GRB10: variants seen among roughly 807,000 people sequenced by gnomAD.
GRB10 encodes the protein growth factor receptor-bound protein 10.
A neutral mutation model predicts 80.9 loss-of-function variants in GRB10; 20 were observed. The ratio of observed to expected loss-of-function variants is 0.25; its 90% CI spans 0.17 to 0.36. The LOEUF is 0.36. Among genes scored for constraint, GRB10 ranks in the 10% least tolerant of loss-of-function variants. GRB10 has a pLI of 1.00. For missense variants in GRB10, 548 were observed against 747.7 expected (o/e 0.73, Z 3.12); for synonymous variants, 291 against 291.5 (o/e 1.00, Z 0.02).
intron 5 of GRB10, among the ~76,000 whole-genome samples, chr7:50,702,888 G>A (rs999409320): frequency 7.9e-5 from 12 of 152,118 alleles, no homozygotes; most frequent in Admixed American, 3.3e-4. Context: ...TTTTATATAA[G>A]CATTAACACC....
intron 7 of GRB10, among the ~76,000 whole-genome samples, chr7:50,635,116 A>C (rs1375516701): frequency 1.3e-5 from 2 of 152,212 alleles, no homozygotes; most frequent in Non-Finnish European, 2.9e-5. Context: ...AACAAAATTG[A>C]CCAGATGCTT....
chr7:50,723,568 T>C (rs993629102), intron 4 of GRB10, among the ~76,000 whole-genome samples: 2 of 152,196 alleles, frequency 1.3e-5, no homozygotes, highest in African/African-American at 4.8e-5. Context: ...GAAGGGTTTT[T>C]AGCGATCCAG....
At chr7:50,632,775 T>C (rs923533024) in intron 7 of GRB10, among the ~76,000 whole-genome samples, 1 of 152,102 alleles carries the variant, frequency 6.6e-6, no homozygotes, top group African/African-American at 2.4e-5. Flanking sequence ...AGCATCCCAG[T>C]TGCTCCTCCT....
At chr7:50,667,709 CT>C (rs1318677875) in intron 7 of GRB10, among the ~76,000 whole-genome samples, 1 of 151,954 alleles carries the variant, frequency 6.6e-6, no homozygotes. Flanking sequence ...ACAAGTAGTT[CT>C]AGTTCTGAGT....
chr7:50,608,245 C>T (rs2048883044), intron 13 of GRB10, among the ~76,000 whole-genome samples: 1 of 152,168 alleles, frequency 6.6e-6, no homozygotes, highest in South Asian at 2.1e-4. Context: ...GCATTATTTT[C>T]ACAGAAGCAA....
chr7:50,767,390 G>C (rs928622073), intron 2 of GRB10, among the ~76,000 whole-genome samples: 1 of 152,068 alleles, frequency 6.6e-6, no homozygotes, highest in African/African-American at 2.4e-5. Context: ...AGGGAGTCCT[G>C]TGTTGTTTCC....
chr7:50,609,221 T>C (rs1035464756), intron 13 of GRB10, among the ~76,000 whole-genome samples: 12 of 152,100 alleles, frequency 7.9e-5, no homozygotes, highest in Non-Finnish European at 1.6e-4. Context: ...ATAAAGATTA[T>C]CAAAGTAAAA....
At chr7:50,635,962 C>T (rs992611340) in intron 7 of GRB10, among the ~76,000 whole-genome samples, 64 of 70,874 alleles carry the variant, frequency 9.0e-4, no homozygotes, top group East Asian at 1.4e-3. Flanking sequence ...TTTTCCTTTC[C>T]TTTTTTTTTT....
chr7:50,685,508 G>A (rs968326258), intron 5 of GRB10, among the ~76,000 whole-genome samples: 1 of 152,188 alleles, frequency 6.6e-6, no homozygotes, highest in African/African-American at 2.4e-5. Context: ...AAGCCCCAGC[G>A]TTCTGCAAGA....
chr7:50,638,658 TACA>T (rs2153604111), intron 7 of GRB10, among the ~76,000 whole-genome samples: 1 of 152,280 alleles, frequency 6.6e-6, no homozygotes, highest in East Asian at 1.9e-4. Flanking sequence ...TGTAAATTAA[TACA>T]ACCTGTATGG....
chr7:50,687,037 C>A (rs1242849794), intron 5 of GRB10, among the ~76,000 whole-genome samples: 2 of 152,166 alleles, frequency 1.3e-5, no homozygotes, highest in Non-Finnish European at 2.9e-5. Context: ...GTGCTCAGTA[C>A]ACGTTAGTTG....
At chr7:50,624,097 G>C (rs1411913805) in intron 8 of GRB10, among the ~76,000 whole-genome samples, 5 of 152,136 alleles carry the variant, frequency 3.3e-5, no homozygotes, top group African/African-American at 1.2e-4. Context: ...CTCAATTATG[G>C]GGGGGTTGGG....
chr7:50,633,859 A>AT (rs573270155), intron 7 of GRB10, among the ~76,000 whole-genome samples: 182 of 152,294 alleles, frequency 1.2e-3, no homozygotes, highest in African/African-American at 3.8e-3. Context: ...AGAAACAACA[A>AT]TTTTTTAAAA....
chr7:50,687,491 T>C lies in GRB10; in HGVS notation c.140-12833A>G, dbSNP rs148390065. Among the ~76,000 whole-genome samples the C allele has an allele frequency of 5.4e-3, 818 of 151,580 alleles. 1 individual carries two copies. The highest frequency in any genetic ancestry group is 6.8e-3 in the Admixed American group (104 of 15,240). On this transcript the variant is annotated intron_variant, in intron 5 of 18. Transcript: ENST00000401949. ...GCGAATTCAACGTCTGCCCTGGGCT[T>C]TTCTGCTCTGAGAAACCCCAGCCAC...
chr7:50,726,994 C>T (rs765948518), intron 4 of GRB10: 6 of 152,164 alleles, frequency 3.9e-5, no homozygotes, highest in Non-Finnish European at 8.8e-5. Flanking sequence ...GTCCCCACCG[C>T]GTAGCATTGG....
At chr7:50,600,569 A>G (rs2047428645) in intron 17 of GRB10, among the ~76,000 whole-genome samples, 1 of 152,220 alleles carries the variant, frequency 6.6e-6, no homozygotes, top group African/African-American at 2.4e-5. Context: ...GCAGGAAGGA[A>G]GGAAAGAGGA....
intron 4 of GRB10, among the ~76,000 whole-genome samples, chr7:50,731,543 C>T (rs1420588056): frequency 6.6e-6 from 1 of 152,106 alleles, no homozygotes; most frequent in South Asian, 2.1e-4. Flanking sequence ...TGACAAATCA[C>T]GAGTAAGGAT....
At chr7:50,613,738 G>A (rs1303099816) in intron 12 of GRB10, among the ~76,000 whole-genome samples, 1 of 152,204 alleles carries the variant, frequency 6.6e-6, no homozygotes, top group Non-Finnish European at 1.5e-5. Context: ...CCCCGCCTGA[G>A]GCTGCCTTGG....
At chr7:50,737,255 G>A (rs372828418) in intron 3 of GRB10, among the ~76,000 whole-genome samples, 6 of 152,320 alleles carry the variant, frequency 3.9e-5, no homozygotes, top group Non-Finnish European at 8.8e-5. Context: ...GGAGGTGACC[G>A]GATCATGGGG....
Sources: gnomAD v4.1 joint callset for allele counts (sites outside exome capture counted in the v4.1 genomes callset) on GRCh38, gnomAD v4.1.1 for gene constraint, MANE v1.5 for transcripts, NCBI Gene and HGNC (gene_info 2026-07-23, HGNC 2026-07-21) for gene names.